DCAF7: variants seen among roughly 807,000 people sequenced by gnomAD.
DCAF7 encodes DDB1- and CUL4-associated factor 7.
Under a neutral mutation model 41.2 loss-of-function variants are expected in DCAF7, and 4 were observed. The ratio of observed to expected loss-of-function variants is 0.10; its 90% CI spans 0.05 to 0.22. DCAF7 has a LOEUF of 0.22. Ranked by LOEUF, DCAF7 falls within the 10% of genes least tolerant of loss-of-function variation. The probability of loss-of-function intolerance (pLI) is 1.00; values close to 1 mark genes in which losing one functional copy is unlikely to be tolerated. For synonymous variants in DCAF7, 143 were observed against 164.2 expected, an observed-to-expected ratio of 0.87 and a Z score of 0.99; for missense variants, 131 against 443.2, an observed-to-expected ratio of 0.30 and a Z score of 6.32.
rs575100411 is a variant in DCAF7, at chr17:63,552,220, A to G, written c.138+1405A>G. On this transcript the variant is annotated intron_variant, in intron 1 of 6. Transcript: ENST00000614556. ...ATCTGTGACCCACAGTTTGTACGGA[A>G]GGGGTTCTGGTTTACATGTGAGGGT... 5 of 152,320 alleles carry G rather than the reference A, an allele frequency of 3.3e-5. No individual in the cohort carries two copies. The East Asian group carries it at 5.8e-4, about 18-fold the overall frequency. 9.4% of individuals were successfully genotyped at this position (152,320 alleles called of 1,614,324 possible).
At chr17:63,557,775 C>A (rs370862183) in intron 1 of DCAF7, among the ~76,000 whole-genome samples, 83 of 152,140 alleles carry the variant, frequency 5.5e-4, no homozygotes, top group Middle Eastern at 3.4e-3. Context: ...TTGAACTTGC[C>A]AAAGATTTGA....
chr17:63,588,333 G>A (rs1441967356), intron 6 of DCAF7, among the ~76,000 whole-genome samples: 9 of 149,970 alleles, frequency 6.0e-5, no homozygotes, highest in Non-Finnish European at 1.2e-4. Flanking sequence ...GATTACAGGT[G>A]TGTGCCACCA....
At chr17:63,563,174 A>G (rs747589906) in intron 1 of DCAF7, among the ~76,000 whole-genome samples, 1 of 152,228 alleles carries the variant, frequency 6.6e-6, no homozygotes, top group South Asian at 2.1e-4. Flanking sequence ...CTAATACTCA[A>G]TGCAATAGAA....
chr17:63,567,870 C>G (rs1276543400), intron 1 of DCAF7, among the ~76,000 whole-genome samples: 2 of 152,002 alleles, frequency 1.3e-5, no homozygotes, highest in African/African-American at 4.8e-5. Context: ...TCATGTTGCC[C>G]AGGCTGGTCT....
chr17:63,574,865 T>G (rs1198575123), intron 1 of DCAF7, among the ~76,000 whole-genome samples: 2 of 151,536 alleles, frequency 1.3e-5, no homozygotes, highest in Admixed American at 6.6e-5. Context: ...CCCAGCTACT[T>G]GGGAGGCTGA....
chr17:63,571,491 T>C (rs980025927), intron 1 of DCAF7, among the ~76,000 whole-genome samples: 4 of 152,168 alleles, frequency 2.6e-5, no homozygotes, highest in African/African-American at 9.6e-5. Context: ...AATGAATGGT[T>C]ATCTTTATGT....
Position 63,559,377 on chromosome 17 carries a change from G to A in DCAF7, c.138+8562G>A, listed in dbSNP as rs187027609. ...TATATATGTATGTATATATATATGT[G>A]TATATATATGTATATATATATGTAT... On this transcript the variant is annotated intron_variant, in intron 1 of 6. Transcript: ENST00000614556. Among the ~76,000 whole-genome samples the A allele has an allele frequency of 6.1e-3, 700 of 114,092 alleles. 19 individuals are homozygous for A. The highest frequency in any genetic ancestry group is 0.024 in the African/African-American group (577 of 23,632). The allele number at this position is 114,092 out of a possible 152,430, so 74.8% of individuals were successfully genotyped here. A position where few individuals can be genotyped will look rare whatever the true frequency, so the allele number is the denominator to read the frequency against.
intron 1 of DCAF7, among the ~76,000 whole-genome samples, chr17:63,560,716 A>G (rs1482793487): frequency 6.6e-6 from 1 of 152,164 alleles, no homozygotes; most frequent in African/African-American, 2.4e-5. Flanking sequence ...TGTATGTATT[A>G]CCTAGTAAGA....
chr17:63,559,496 G>A (rs913586068), intron 1 of DCAF7, among the ~76,000 whole-genome samples: 1 of 145,132 alleles, frequency 6.9e-6, no homozygotes, highest in African/African-American at 2.6e-5. Flanking sequence ...AAAAAAATTG[G>A]ATCTCTACCT....
chr17:63,558,839 A>G (rs561445673), intron 1 of DCAF7, among the ~76,000 whole-genome samples: 1 of 152,314 alleles, frequency 6.6e-6, no homozygotes, highest in South Asian at 2.1e-4. Context: ...AAACATGCAC[A>G]CATTGTCAAA....
In DCAF7 at chr17:63,559,411, ATATATATACG is replaced by A. The variant is rs1173969514; in HGVS notation, c.138+8605_138+8614del. Reference sequence around the variant, plus strand: ...TGTATATATATATGTATATATATGTATATATATACGTATATATATATGTGTGTGTATATAT... The same window carrying A: ...TGTATATATATATGTATATATATGTATATATATATATGTGTGTGTATATAT... On this transcript the variant is annotated intron_variant, in intron 1 of 6. Coordinates refer to ENST00000614556, the MANE Select transcript of DCAF7 (RefSeq NM_005828.5). 9.3e-5 allele frequency among the ~76,000 whole-genome samples: 7 copies of A among 75,614 alleles called. 1 individual carries two copies. The highest frequency in any genetic ancestry group is 3.1e-4 in the African/African-American group (3 of 9,822). The allele number at this position is 75,614 out of a possible 152,430, so 49.6% of individuals were successfully genotyped here.
In DCAF7 at chr17:63,550,892, G is replaced by A; in HGVS notation, c.138+77G>A. On this transcript the variant is annotated intron_variant, in intron 1 of 6. Transcript: ENST00000614556. This position sits in a 1 kb window ranked among gnomAD's most constrained non-coding sequence, Gnocchi z 4.8. ...GCGCCCTTTCCGGGCCGGAGCCCAG[G>A]CCTCAGAACCCTCTTGCGGACTCGC... 5 of 1,549,944 alleles carry A rather than the reference G, an allele frequency of 3.2e-6. No homozygotes were observed. Among genetic ancestry groups the A allele is most frequent in the Non-Finnish European group, 4.4e-6 (5 of 1,149,170 alleles).
rs2033743150 is a variant in DCAF7, at chr17:63,592,376, G to A, written c.*3204G>A. The A allele has an allele frequency of 6.6e-6, 1 of 151,084 alleles. No individual in the cohort carries two copies. The highest frequency in any genetic ancestry group is 6.6e-5 in the Admixed American group (1 of 15,130). 9.4% of individuals were successfully genotyped at this position (151,084 alleles called of 1,614,324 possible). A position where few individuals can be genotyped will look rare whatever the true frequency, so the allele number is the denominator to read the frequency against. On this transcript the variant is annotated 3_prime_UTR_variant, in exon 7 of 7. Transcript: ENST00000614556. ...GCCAAGATCGTGCCACTGCACTCCA[G>A]CCTGGGCGACAGAGCAAGACTCCGT...
intron 1 of DCAF7, among the ~76,000 whole-genome samples, chr17:63,566,634 A>C (rs2033445072): frequency 2.6e-5 from 4 of 152,188 alleles, no homozygotes; most frequent in African/African-American, 7.2e-5. Context: ...CAAATTGCAG[A>C]ATACAGCTGA....
intron 1 of DCAF7, among the ~76,000 whole-genome samples, chr17:63,572,873 C>T (rs190371073): frequency 3.3e-4 from 51 of 152,324 alleles, no homozygotes; most frequent in Admixed American, 2.9e-3. Context: ...AACCATCCTC[C>T]CACCTCAGCT....
At chr17:63,585,649 C>T (rs967176726) in intron 6 of DCAF7, among the ~76,000 whole-genome samples, 5 of 152,216 alleles carry the variant, frequency 3.3e-5, no homozygotes, top group African/African-American at 1.2e-4. Flanking sequence ...GGAGGCATCC[C>T]TCATGGATAT....
rs1048718024 is a variant in DCAF7 at position 63,589,415 on chromosome 17, C to T, written c.*243C>T. 8.7e-6 allele frequency: 5 copies of T among 577,176 alleles called. No individual in the cohort carries two copies. The Admixed American group carries it at 1.1e-4, about 13-fold the overall frequency. 35.8% of individuals were successfully genotyped at this position (577,176 alleles called of 1,614,324 possible). On this transcript the variant is annotated 3_prime_UTR_variant, in exon 7 of 7. Transcript: ENST00000614556. ...GTTTTAAGATTTTCTCTCCTTTCCT[C>T]TTCTCCTTTGGTTCCTCAATTAAAA... is the stretch of plus-strand genomic sequence containing the variant.
At chr17:63,581,490 T>C (rs931398032) in intron 4 of DCAF7, among the ~76,000 whole-genome samples, 1 of 152,174 alleles carries the variant, frequency 6.6e-6, no homozygotes, top group South Asian at 2.1e-4. Flanking sequence ...GGGCTGGATT[T>C]ACCTGGCAGA....
intron 1 of DCAF7, among the ~76,000 whole-genome samples, chr17:63,573,894 C>T (rs2033533913): frequency 6.6e-6 from 1 of 152,134 alleles, no homozygotes; most frequent in Non-Finnish European, 1.5e-5. Flanking sequence ...CTCCCTGCCT[C>T]CAGCCACCTC....
Sources: allele counts gnomAD v4.1 joint callset (sites outside exome capture counted in the v4.1 genomes callset), GRCh38; gene constraint gnomAD v4.1.1; non-coding constraint Gnocchi (gnomAD v3.1); transcripts MANE v1.5; gene names NCBI Gene and HGNC (gene_info 2026-07-23, HGNC 2026-07-21).